Variants in MID1 observed in about 807,000 individuals in gnomAD.
The protein encoded by MID1 is midline 1.
Under a neutral mutation model 40.4 loss-of-function variants are expected in MID1, and 7 were observed. The observed-to-expected ratio is 0.17, with a 90% CI of 0.10 to 0.33. MID1 has a LOEUF of 0.33. Among genes scored for constraint, MID1 ranks in the 10% least tolerant of loss-of-function variants. The probability of loss-of-function intolerance (pLI) is 1.00; values close to 1 mark genes in which losing one functional copy is unlikely to be tolerated. For synonymous variants in MID1, 229 were observed against 221.2 expected (o/e 1.04, Z -0.31); for missense variants, 367 against 558.5 (o/e 0.66, Z 3.46).
chrX:10,633,168 A>T (rs971131605), intron 1 of MID1, among the ~76,000 whole-genome samples: 13 of 112,163 alleles, frequency 1.2e-4, no homozygotes, highest in Non-Finnish European at 2.1e-4. Context: ...CTAAAAGCAG[A>T]ACATACATTT....
At chrX:10,731,966 CAAAAAAAA>C (rs754605735) in intron 1 of MID1, among the ~76,000 whole-genome samples, 202 of 26,647 alleles carry the variant, frequency 7.6e-3, no homozygotes, top group African/African-American at 0.018. Flanking sequence ...GAATCTATCA[CAAAAAAAA>C]AAAAAAAAAA....
chrX:10,620,116 C>T (rs1046304412), intron 1 of MID1, among the ~76,000 whole-genome samples, 174 bp downstream of exon 1: 1 of 112,316 alleles, frequency 8.9e-6, no homozygotes, highest in Non-Finnish European at 1.9e-5. Context: ...CGGGGTGGCT[C>T]AGGTAAAATG....
intron 1 of MID1, among the ~76,000 whole-genome samples, chrX:10,686,818 C>T (rs1221552969): frequency 8.9e-6 from 1 of 112,092 alleles, no homozygotes; most frequent in African/African-American, 3.2e-5. Flanking sequence ...AGAATTGTCT[C>T]ATGTGGGATA....
At chrX:10,542,405 A>G (rs1170294422) in intron 2 of MID1, among the ~76,000 whole-genome samples, 2 of 112,041 alleles carry the variant, frequency 1.8e-5, no homozygotes, top group Admixed American at 9.5e-5. Context: ...TTCACGACTT[A>G]GCAAGGTCTG....
chrX:10,740,771 T>C (rs1039767489), intron 1 of MID1, among the ~76,000 whole-genome samples: 2 of 111,217 alleles, frequency 1.8e-5, no homozygotes, highest in Non-Finnish European at 3.8e-5. Context: ...TATCAAGGCG[T>C]GGATTCTAAC....
chrX:10,824,615 G>T (rs1258595016), intron 1 of MID1, among the ~76,000 whole-genome samples: 1 of 112,153 alleles, frequency 8.9e-6, no homozygotes, highest in Non-Finnish European at 1.9e-5. Flanking sequence ...AATGAAAATG[G>T]CAGTCCCTTT....
intron 1 of MID1, among the ~76,000 whole-genome samples, chrX:10,794,542 A>T (rs1387288986): frequency 1.8e-5 from 2 of 112,334 alleles, no homozygotes; most frequent in East Asian, 5.6e-4. Flanking sequence ...TGAAGGTGAC[A>T]CACCCTATAA....
intron 4 of MID1, among the ~76,000 whole-genome samples, chrX:10,492,750 A>G: frequency 8.9e-6 from 1 of 112,396 alleles, no homozygotes; most frequent in Non-Finnish European, 1.9e-5. Flanking sequence ...ATCCTCAGCC[A>G]CAGTCATGGC....
chrX:10,484,376 T>C (rs1208281578), intron 4 of MID1, among the ~76,000 whole-genome samples: 1 of 112,602 alleles, frequency 8.9e-6, no homozygotes, highest in African/African-American at 3.2e-5. Context: ...CCTTTAGATA[T>C]GCCTATTAAA....
chrX:10,559,049 CA>C (rs937438293), intron 2 of MID1, among the ~76,000 whole-genome samples: 2 of 112,203 alleles, frequency 1.8e-5, no homozygotes, highest in African/African-American at 6.5e-5. Flanking sequence ...CCATTAAGAA[CA>C]TATGCCTGGA....
At chrX:10,717,530 ACC>A (rs2043314475) in intron 1 of MID1, among the ~76,000 whole-genome samples, 2 of 110,814 alleles carry the variant, frequency 1.8e-5, no homozygotes, top group African/African-American at 6.6e-5. Flanking sequence ...ATACAGGAGC[ACC>A]CAGATTCATA....
intron 1 of MID1, among the ~76,000 whole-genome samples, chrX:10,755,622 A>T (rs144696347): frequency 0.012 from 1,366 of 112,363 alleles, 12 homozygotes; most frequent in Non-Finnish European, 0.021. Flanking sequence ...ATAAAAGCTC[A>T]GGTGGCAGCT....
intron 1 of MID1, among the ~76,000 whole-genome samples, chrX:10,609,786 C>A (rs186360997): frequency 2.0e-5 from 2 of 101,611 alleles, no homozygotes; most frequent in East Asian, 6.1e-4. Context: ...GGCGCGATCT[C>A]GGCTCACTGC....
chrX:10,684,325 C>CGCTTGCTT (rs3081830), intron 1 of MID1, among the ~76,000 whole-genome samples: 1 of 109,532 alleles, frequency 9.1e-6, no homozygotes, highest in African/African-American at 3.3e-5. Context: ...TAAATTGTGC[C>CGCTTGCTT]GCTTGCTTGC....
intron 1 of MID1, among the ~76,000 whole-genome samples, chrX:10,831,649 C>T (rs2044253464): frequency 1.8e-5 from 2 of 111,595 alleles, no homozygotes; most frequent in Admixed American, 1.9e-4. Flanking sequence ...TTATTACCCC[C>T]AAACAGGCTG....
chrX:10,535,106 G>A (rs1280581585), intron 2 of MID1, among the ~76,000 whole-genome samples: 3 of 112,035 alleles, frequency 2.7e-5, no homozygotes, highest in Non-Finnish European at 5.6e-5. Flanking sequence ...AAGATGAGGA[G>A]TGTCTACTAG....
intron 1 of MID1, among the ~76,000 whole-genome samples, chrX:10,767,237 T>G (rs1245178948): frequency 1.8e-5 from 2 of 112,587 alleles, no homozygotes; most frequent in African/African-American, 6.5e-5. Flanking sequence ...TTAAGAGATT[T>G]TGGCTCATTA....
intron 3 of MID1, among the ~76,000 whole-genome samples, chrX:10,499,716 CT>C (rs1371748451): frequency 8.9e-6 from 1 of 112,090 alleles, no homozygotes; most frequent in Non-Finnish European, 1.9e-5. Context: ...GTCTGAGAAC[CT>C]TTGTCAAAAA....
At chrX:10,686,594 A>G (rs1408624534) in intron 1 of MID1, among the ~76,000 whole-genome samples, 1 of 112,154 alleles carries the variant, frequency 8.9e-6, no homozygotes, top group Non-Finnish European at 1.9e-5. Flanking sequence ...TAGTCCCAAC[A>G]CTATTATAAA....
Sources: gnomAD v4.1 joint callset for allele counts (sites outside exome capture counted in the v4.1 genomes callset) on GRCh38, gnomAD v4.1.1 for gene constraint, MANE v1.5 for transcripts, NCBI Gene and HGNC (gene_info 2026-07-23, HGNC 2026-07-21) for gene names.